Variants in CASP10 observed in about 807,000 individuals in gnomAD.
CASP10 encodes caspase 10.
CASP10 carries 41 observed loss-of-function variants against 48.5 expected under a neutral mutation model. That is an observed-to-expected ratio of 0.85 (90% CI 0.66 to 1.10). CASP10 has a LOEUF of 1.10. Ranked by LOEUF, CASP10 falls within the 50% of genes least tolerant of loss-of-function variation. The probability of loss-of-function intolerance (pLI) is 0.00; values close to 1 mark genes in which losing one functional copy is unlikely to be tolerated. For synonymous variants in CASP10, 232 were observed against 238.4 expected, an observed-to-expected ratio of 0.97 and a Z score of 0.25; for missense variants, 614 against 614.5, an observed-to-expected ratio of 1.00 and a Z score of 0.01.
chr2:201,229,333 C>T (rs761780418), exon 10 of CASP10: 22 of 549,170 alleles, frequency 4.0e-5, no homozygotes, highest in African/African-American at 5.7e-5. Flanking sequence ...GAACTACAAG[C>T]GGATGGTTAA....
intron 7 of CASP10, among the ~76,000 whole-genome samples, chr2:201,206,440 AAT>A (rs925644716): frequency 1.4e-4 from 21 of 150,014 alleles, no homozygotes; most frequent in Admixed American, 2.0e-4. Flanking sequence ...TCCTACTGTG[AAT>A]ATATATATAT....
rs766784091 is a variant in CASP10 at position 201,185,907 on chromosome 2, A to T, written c.130A>T (p.Ile44Leu). 3.2e-5 allele frequency: 51 copies of T among 1,614,184 alleles called. No individual in the cohort carries two copies. In the South Asian group the frequency reaches 5.4e-4, roughly 17 times the overall value. Residue 44 changes from isoleucine to leucine, a missense_variant, in exon 2 of 10, where the codon ATA (isoleucine) becomes TTA (leucine). Ile to Leu is a conservative substitution (Grantham distance 5, BLOSUM62 2). Coordinates refer to ENST00000286186, the MANE Select transcript of CASP10 (RefSeq NM_032977.4). ...TGTGGAGAACCTCAAGTTTCTCTGC[A>T]TAGGATTGGTCCCCAACAAGAAGCT... ...QDVENLKFLC[I>L]GLVPNKKLEK...
intron 4 of CASP10, among the ~76,000 whole-genome samples, chr2:201,194,087 TTGTGTGTG>T (rs139975621): frequency 8.3e-4 from 123 of 148,428 alleles, no homozygotes; most frequent in Middle Eastern, 3.5e-3. Context: ...CTTTATTTTC[TTGTGTGTG>T]TGTGTGTGTG....
intron 9 of CASP10, among the ~76,000 whole-genome samples, chr2:201,216,195 T>C (rs1945563014): frequency 6.7e-6 from 1 of 150,308 alleles, no homozygotes; most frequent in Admixed American, 6.6e-5. Flanking sequence ...TTAATTTAAA[T>C]AATATTTAAA....
At chr2:201,223,628 T>C (rs1303440229), downstream of CASP10, among the ~76,000 whole-genome samples, 10 of 152,232 alleles carry the variant, frequency 6.6e-5, no homozygotes, top group Admixed American at 6.5e-4. Flanking sequence ...CAAACAACTG[T>C]AACTGTCCTC....
rs762067226 is a variant in CASP10, at chr2:201,217,696, G to GA, written c.1530dup (p.Leu511ThrfsTer69). 6.2e-7 allele frequency: 1 copy of GA among 1,614,088 alleles called. No individual in the cohort carries two copies. The highest frequency in any genetic ancestry group is 8.5e-7 in the Non-Finnish European group (1 of 1,179,988). On this transcript the variant is annotated frameshift_variant, in exon 10 of 10. Coordinates refer to ENST00000286186, the MANE Select transcript of CASP10 (RefSeq NM_032977.4). LOFTEE classifies it low-confidence loss of function (END_TRUNC). ...TGCCCCAGCCTGCTTTCACACTAAG[G>GA]AAAAAACTAGTATTCCCTGTGCCCC...
chr2:201,215,831 G>C (rs961768480), intron 9 of CASP10, among the ~76,000 whole-genome samples: 3 of 151,854 alleles, frequency 2.0e-5, no homozygotes, highest in Admixed American at 2.0e-4. Context: ...TTTTGTTTTA[G>C]AGATGGGGTC....
At chr2:201,198,748 G>A (rs1048018122) in intron 5 of CASP10, among the ~76,000 whole-genome samples, 2 of 150,196 alleles carry the variant, frequency 1.3e-5, no homozygotes, top group African/African-American at 4.9e-5. Context: ...CACCGTGTTA[G>A]CCAGGATGGT....
At position 201,220,682 on chromosome 2, in the gene CASP10, C is replaced by T. The variant is rs1464304814; in HGVS notation, c.*2941C>T. 1.1e-6 allele frequency: 1 copy of T among 940,062 alleles called. No homozygotes were observed. Among genetic ancestry groups the T allele is most frequent in the Non-Finnish European group, 1.3e-6 (1 of 788,752 alleles). The allele number at this position is 940,062 out of a possible 1,614,324, so 58.2% of individuals were successfully genotyped here. A position where few individuals can be genotyped will look rare whatever the true frequency, so the allele number is the denominator to read the frequency against. On this transcript the variant is annotated 3_prime_UTR_variant, in exon 10 of 10. Transcript: ENST00000286186. ...TCAAATTTGTTTTCTCTAAAATAAA[C>T]CTGTCCTTGGCTGTCAAGCCACCTT...
Position 201,219,500 on chromosome 2 carries a change from A to G in CASP10, c.*1759A>G. ...GCAGATGCAGTAGACTGCAGTGGAC[A>G]GTCCCCACCTTGTTACTGCTACTAC... On this transcript the variant is annotated 3_prime_UTR_variant, in exon 10 of 10. Transcript: ENST00000286186. 1.0e-6 allele frequency: 1 copy of G among 985,404 alleles called. No homozygotes were observed. The highest frequency in any genetic ancestry group is 1.2e-6 in the Non-Finnish European group (1 of 829,942). 61.0% of individuals were successfully genotyped at this position (985,404 alleles called of 1,614,324 possible).
intron 9 of CASP10, 116 bp from the exon 10 acceptor site, chr2:201,217,472 T>C: frequency 1.4e-6 from 1 of 701,664 alleles, no homozygotes; most frequent in Non-Finnish European, 2.6e-6. Flanking sequence ...GGCATGAGAA[T>C]CACTTGAATC....
downstream of CASP10, among the ~76,000 whole-genome samples, chr2:201,224,025 G>A (rs1157058735): frequency 6.7e-6 from 1 of 150,234 alleles, no homozygotes. Context: ...AGGCTGGAGT[G>A]CAGTGGCTCG....
At chr2:201,196,062 T>C (rs2126023217) in intron 5 of CASP10, 114 bp downstream of exon 5, 2 of 720,370 alleles carry the variant, frequency 2.8e-6, no homozygotes, top group Non-Finnish European at 4.9e-6. Context: ...GTACCATTTA[T>C]TGTAAATGGT....
At chr2:201,229,030 A>G (rs749913343) in exon 10 of CASP10, 16 of 1,614,056 alleles carry the variant, frequency 9.9e-6, no homozygotes, top group Non-Finnish European at 1.4e-5. Flanking sequence ...GCCCACGGCC[A>G]TCTCTGCGCA....
Position 201,229,221 on chromosome 2 carries a change from G to C in CASP10, c.*138G>C. ...CCACAAAGTTGAGACTTCTGAACGT[G>C]GCACTCTTCTGTTCCCTTACTGTTT... On this transcript the variant is annotated 3_prime_UTR_variant, in exon 10 of 10. Coordinates refer to the CASP10 transcript ENST00000272879. 3.1e-6 allele frequency: 3 copies of C among 981,254 alleles called. No individual in the cohort carries two copies. In the East Asian group the frequency reaches 7.1e-5, roughly 23 times the overall value. The allele number at this position is 981,254 out of a possible 1,614,324, so 60.8% of individuals were successfully genotyped here. A position where few individuals can be genotyped will look rare whatever the true frequency, so the allele number is the denominator to read the frequency against.
chr2:201,204,330 GT>G (rs2126039269), intron 6 of CASP10, among the ~76,000 whole-genome samples: 1 of 152,264 alleles, frequency 6.6e-6, no homozygotes, highest in Non-Finnish European at 1.5e-5. Flanking sequence ...GGTATGTAAA[GT>G]TTGTCACAGA....
At chr2:201,186,393 G>T (rs1032761399) in intron 2 of CASP10, 1 of 452,252 alleles carries the variant, frequency 2.2e-6, no homozygotes, top group Non-Finnish European at 4.1e-6. Flanking sequence ...CCTCAGTGTG[G>T]CAGAGCCCGT....
At position 201,217,619 on chromosome 2, in the gene CASP10, G is replaced by A; in HGVS notation, c.1447G>A (p.Val483Ile). 1 of 1,614,098 alleles carries A rather than the reference G, an allele frequency of 6.2e-7. No individual in the cohort carries two copies. Among genetic ancestry groups the A allele is most frequent in the Non-Finnish European group, 8.5e-7 (1 of 1,179,972 alleles). The change falls in exon 10 of 10, where the codon GTC (valine) becomes ATC (isoleucine). Residue 483 changes from valine (V) to isoleucine (I), a missense_variant. Coordinates refer to ENST00000286186, the MANE Select transcript of CASP10 (RefSeq NM_032977.4). ...HEDILSILTA[V>I]NDDVSRRVDK... ...AGACATCTTATCCATCCTCACTGCTGTCAACGATGATGTGAGTCGAAGAGT... is the reference window on the plus strand; with the variant it reads ...AGACATCTTATCCATCCTCACTGCTATCAACGATGATGTGAGTCGAAGAGT...
At position 201,217,853 on chromosome 2, in the gene CASP10, A is replaced by G. The variant is rs1353823363; in HGVS notation, c.*112A>G. On this transcript the variant is annotated 3_prime_UTR_variant, in exon 10 of 10. Coordinates refer to ENST00000286186, the MANE Select transcript of CASP10 (RefSeq NM_032977.4). ...CCACCTGTCATTCTAGAAACAGGAA[A>G]CACCGTGTTTTCTGACACAGTCAAT... is the stretch of plus-strand genomic sequence containing the variant. 2.5e-6 allele frequency: 4 copies of G among 1,605,736 alleles called. No homozygotes were observed. The highest frequency in any genetic ancestry group is 3.4e-6 in the Non-Finnish European group (4 of 1,176,282).
Sources: gnomAD v4.1 joint callset for allele counts (sites outside exome capture counted in the v4.1 genomes callset) on GRCh38, gnomAD v4.1.1 for gene constraint, MANE v1.5 for transcripts, NCBI Gene and HGNC (gene_info 2026-07-23, HGNC 2026-07-21) for gene names.